The following PREPL variants were observed in gnomAD, a reference collection of about 807,000 sequenced individuals.
The protein encoded by PREPL is prolyl endopeptidase-like.
A neutral mutation model predicts 70.6 loss-of-function variants in PREPL; 77 were observed. That is an observed-to-expected ratio of 1.09 (90% CI 0.91 to 1.32). The LOEUF is 1.32. Among genes scored for constraint, PREPL ranks in the 40% most tolerant of loss-of-function variants. The pLI, the probability that PREPL is intolerant of heterozygous loss-of-function variation, is 0.00. For synonymous variants in PREPL, 315 were observed against 264.8 expected (o/e 1.19, Z -1.84); for missense variants, 1,002 against 778.2 (o/e 1.29, Z -3.42).
intron 1 of PREPL, among the ~76,000 whole-genome samples, chr2:44,356,998 GT>G (rs1677120577): frequency 6.6e-6 from 1 of 152,162 alleles, no homozygotes; most frequent in Non-Finnish European, 1.5e-5. Context: ...TAGAGTTGGG[GT>G]TTTGCCATGT....
chr2:44,329,778 C>T (rs1673902360), intron 8 of PREPL, among the ~76,000 whole-genome samples: 1 of 152,110 alleles, frequency 6.6e-6, no homozygotes, highest in Non-Finnish European at 1.5e-5. Context: ...ATGTAACCAT[C>T]CCCCAATGTA....
rs17498076 is a variant in PREPL, at chr2:44,321,998, A to C, written c.1754-98T>G. 9.1e-3 allele frequency: 11,347 copies of C among 1,248,256 alleles called. 69 individuals carry two copies. The highest frequency in any genetic ancestry group is 0.015 in the South Asian group (957 of 63,796). The allele number at this position is 1,248,256 out of a possible 1,614,324, so 77.3% of individuals were successfully genotyped here. A position where few individuals can be genotyped will look rare whatever the true frequency, so the allele number is the denominator to read the frequency against. ...CCCCTCTTCTTTGAGTACTCAGTTC[A>C]AATAATAGTAAAGGAATAAAAAGCA... On this transcript the variant is annotated intron_variant, in intron 12 of 13. Transcript: ENST00000409411.
chr2:44,333,151 C>T (rs190777425), intron 7 of PREPL, among the ~76,000 whole-genome samples: 280 of 152,296 alleles, frequency 1.8e-3, no homozygotes, highest in African/African-American at 6.5e-3. Context: ...TATAAACGGG[C>T]TCAGCAGCAT....
chr2:44,355,055 T>C (rs1274921647), intron 1 of PREPL, among the ~76,000 whole-genome samples: 1 of 152,238 alleles, frequency 6.6e-6, no homozygotes, highest in Non-Finnish European at 1.5e-5. Context: ...AGTAACATTT[T>C]AGAGCTAAAC....
intron 1 of PREPL, among the ~76,000 whole-genome samples, chr2:44,353,030 T>C (rs1313946391): frequency 3.3e-5 from 5 of 151,110 alleles, no homozygotes; most frequent in Admixed American, 3.3e-4. Flanking sequence ...GAGGATTGCT[T>C]GAGCCCAAGA....
intron 4 of PREPL, among the ~76,000 whole-genome samples, chr2:44,342,895 G>A (rs1558507039): frequency 6.6e-6 from 1 of 152,302 alleles, no homozygotes; most frequent in Non-Finnish European, 1.5e-5. Flanking sequence ...ACTTGAAACT[G>A]TAAGTCTGAA....
rs368446522 is a variant in PREPL, at chr2:44,326,538, A to G, written c.1479+174T>C. ...TTTCTTGCAGAGACAGGGTCTCGCC[A>G]TGTTGCCCAGGCTGGTCTCGAGCTC... On this transcript the variant is annotated intron_variant, in intron 10 of 13. Coordinates refer to ENST00000409411, the MANE Select transcript of PREPL (RefSeq NM_001171613.2). Among the ~76,000 whole-genome samples, 170 of 149,982 alleles carry G rather than the reference A, an allele frequency of 1.1e-3. 1 individual carries two copies. The highest frequency in any genetic ancestry group is 3.9e-3 in the African/African-American group (157 of 40,620).
At chr2:44,359,621 T>C in intron 1 of PREPL, 2 of 1,611,548 alleles carry the variant, frequency 1.2e-6, no homozygotes, top group Non-Finnish European at 1.7e-6. Flanking sequence ...ATCAGCGAAG[T>C]TATAGTGATT....
At chr2:44,328,822 A>C (rs1300305864) in intron 9 of PREPL, 115 bp downstream of exon 9, 34 of 1,119,406 alleles carry the variant, frequency 3.0e-5, no homozygotes, top group Non-Finnish European at 4.1e-5. Context: ...GGAATACAAA[A>C]ATTGAATAAT....
chr2:44,335,342 T>A (rs573844493), intron 7 of PREPL, among the ~76,000 whole-genome samples: 1 of 152,308 alleles, frequency 6.6e-6, no homozygotes, highest in East Asian at 1.9e-4. Flanking sequence ...TTTCTAACTT[T>A]CCTGACATAG....
rs2103838543 is a variant in PREPL at position 44,332,528 on chromosome 2, A to G, written c.1017T>C (p.Phe339=). 1.2e-5 allele frequency: 20 copies of G among 1,614,126 alleles called. No individual in the cohort carries two copies. The highest frequency in any genetic ancestry group is 1.6e-5 in the Non-Finnish European group (19 of 1,180,004). ...TTGGGTCTTCATGCCCAGTTTCCTC[A>G]AACAGTTTGCCTTCTGCAAACTTGT... ...YTYKFAEGKL[F]EETGHEDPIT... is the part of the protein sequence containing the mutation. The change falls in exon 8 of 14, where the codon TTT becomes TTC. Residue 339 remains phenylalanine (F), a synonymous_variant. Coordinates refer to ENST00000409411, the MANE Select transcript of PREPL (RefSeq NM_001171613.2).
chr2:44,345,190 T>C (rs755552540), intron 2 of PREPL, among the ~76,000 whole-genome samples: 8 of 152,188 alleles, frequency 5.3e-5, no homozygotes, highest in Non-Finnish European at 1.2e-4. Context: ...ATGTAATTGA[T>C]TGGTTGATAT....
In PREPL at chr2:44,337,482, T is replaced by A. The variant is rs981846212; in HGVS notation, c.888+869A>T. Among the ~76,000 whole-genome samples the A allele has an allele frequency of 7.9e-5, 12 of 152,190 alleles. 1 individual carries two copies. Among genetic ancestry groups the A allele is most frequent in the African/African-American group, 2.9e-4 (12 of 41,452 alleles). On this transcript the variant is annotated intron_variant, in intron 7 of 13. Transcript: ENST00000409411. ...AATGCCCGATACAGTATTGTGCACA[T>A]GAAAGTTCAATAAAAAGCCACTGAA...
At chr2:44,359,067 C>CA (rs1677366069) in intron 1 of PREPL, among the ~76,000 whole-genome samples, 1 of 94,494 alleles carries the variant, frequency 1.1e-5, no homozygotes, top group African/African-American at 4.1e-5. Context: ...TATGTATACA[C>CA]TTTTTTTTTT....
chr2:44,322,982 T>C (rs921928418), intron 11 of PREPL, 128 bp from the exon 12 acceptor site: 30 of 1,286,034 alleles, frequency 2.3e-5, no homozygotes, highest in Non-Finnish European at 2.9e-5. Flanking sequence ...TCACTTGCTA[T>C]CTTGAGAGCG....
intron 12 of PREPL, 51 bp downstream of exon 12, chr2:44,322,680 G>A (rs1673092841): frequency 6.3e-7 from 1 of 1,584,298 alleles, no homozygotes; most frequent in Non-Finnish European, 8.6e-7. Context: ...GCAGTGTGCT[G>A]TGGGTAGTAG....
At chr2:44,331,035 T>C (rs1674033344) in intron 8 of PREPL, among the ~76,000 whole-genome samples, 2 of 152,134 alleles carry the variant, frequency 1.3e-5, no homozygotes, top group African/African-American at 2.4e-5. Context: ...CTCAACCTCC[T>C]GGGCTCAAGC....
In PREPL at chr2:44,323,384, TG is replaced by T; in HGVS notation, c.1506del (p.Met503Ter). 1 of 1,604,134 alleles carries T rather than the reference TG, an allele frequency of 6.2e-7. No homozygotes were observed. On this transcript the variant is annotated frameshift_variant, in exon 11 of 14. Transcript: ENST00000409411. LOFTEE classifies it high-confidence loss of function. Reference protein sequence around the residue: ...LEAPFLDVLNTMMDTTLPLTL... With the variant: ...LEAPFLDVLNXMMDTTLPLTL... Reference sequence around the variant, plus strand: ...GTCAGAGGAAGTGTAGTGTCCATCATGGTGTTGAGAACATCCAAGAAAGGTG... The same window carrying T: ...GTCAGAGGAAGTGTAGTGTCCATCATGTGTTGAGAACATCCAAGAAAGGTG...
intron 7 of PREPL, among the ~76,000 whole-genome samples, chr2:44,333,996 G>A (rs938404847): frequency 1.3e-5 from 2 of 152,188 alleles, no homozygotes; most frequent in African/African-American, 4.8e-5. Context: ...TTTAGACCAA[G>A]TGGTTCCAAT....
Sources: gnomAD v4.1 joint callset for allele counts (sites outside exome capture counted in the v4.1 genomes callset) on GRCh38, gnomAD v4.1.1 for gene constraint, MANE v1.5 for transcripts, NCBI Gene and HGNC (gene_info 2026-07-23, HGNC 2026-07-21) for gene names.